THRB: variants seen among roughly 807,000 people sequenced by gnomAD.
THRB encodes the protein nuclear receptor subfamily 1 group A member 2.
In THRB, 12 loss-of-function variants were observed where a neutral mutation model predicts 47.8. The observed-to-expected ratio is 0.25, with a 90% CI of 0.16 to 0.41. THRB has a LOEUF of 0.41. Ranked by LOEUF, THRB falls within the 10% of genes least tolerant of loss-of-function variation. The pLI is 1.00. For synonymous variants in THRB, 218 were observed against 212.2 expected (o/e 1.03, Z -0.24); for missense variants, 348 against 589.2 (o/e 0.59, Z 4.24).
chr3:24,399,486 G>A (rs1188826072), intron 1 of THRB, among the ~76,000 whole-genome samples: 1 of 152,040 alleles, frequency 6.6e-6, no homozygotes, highest in East Asian at 1.9e-4. Context: ...ATTGTAAGAT[G>A]GTGACAGCAC....
chr3:24,241,325 GA>G (rs1348463995), intron 3 of THRB, among the ~76,000 whole-genome samples: 1 of 152,162 alleles, frequency 6.6e-6, no homozygotes, highest in Non-Finnish European at 1.5e-5. Flanking sequence ...TGCGTACTTA[GA>G]AAAGCCACTC....
At chr3:24,276,629 T>C (rs1281472937) in intron 3 of THRB, among the ~76,000 whole-genome samples, 1 of 152,218 alleles carries the variant, frequency 6.6e-6, no homozygotes, top group Non-Finnish European at 1.5e-5. Flanking sequence ...GCCATTATTA[T>C]TACCACAATG....
chr3:24,283,390 A>C (rs1291673260), intron 3 of THRB, among the ~76,000 whole-genome samples: 9 of 151,900 alleles, frequency 5.9e-5, no homozygotes, highest in African/African-American at 1.2e-4. Flanking sequence ...ACAACACTTC[A>C]TGCTAAAAAC....
intron 1 of THRB, among the ~76,000 whole-genome samples, chr3:24,383,848 C>A (rs1388005650): frequency 6.6e-6 from 1 of 152,142 alleles, no homozygotes; most frequent in African/African-American, 2.4e-5. Flanking sequence ...GAAACAGATT[C>A]TCTTGATTTT....
intron 2 of THRB, among the ~76,000 whole-genome samples, chr3:24,336,722 C>CTT (rs1553717322): frequency 1.6e-4 from 22 of 135,936 alleles, no homozygotes; most frequent in African/African-American, 2.2e-4. Context: ...AATTCTCATG[C>CTT]TTTTTTTTTT....
At chr3:24,317,174 A>G (rs2058174369) in intron 2 of THRB, among the ~76,000 whole-genome samples, 1 of 152,120 alleles carries the variant, frequency 6.6e-6, no homozygotes, top group African/African-American at 2.4e-5. Flanking sequence ...TGTAAGTATG[A>G]GTTTGTGGGT....
chr3:24,186,944 C>CAAAAAAA (rs71057655), intron 5 of THRB, among the ~76,000 whole-genome samples: 10 of 77,530 alleles, frequency 1.3e-4, no homozygotes, highest in African/African-American at 1.9e-4. Context: ...GACTCCATTT[C>CAAAAAAA]AAAAAAAAAA....
intron 1 of THRB, among the ~76,000 whole-genome samples, chr3:24,482,989 T>G (rs776074619): frequency 2.2e-4 from 34 of 152,346 alleles, no homozygotes; most frequent in Non-Finnish European, 4.4e-4. Context: ...CTCTGCATGA[T>G]ACTTCTTATC....
intron 2 of THRB, among the ~76,000 whole-genome samples, chr3:24,326,779 T>TTTTTTTTTTTTTTTG: frequency 7.1e-6 from 1 of 141,718 alleles, no homozygotes; most frequent in Non-Finnish European, 1.5e-5. Context: ...TTTTTTTTTT[T>TTTTTTTTTTTTTTTG]TTTGAGATGG....
intron 1 of THRB, among the ~76,000 whole-genome samples, chr3:24,413,580 T>A (rs76162598): frequency 2.6e-5 from 4 of 151,866 alleles, no homozygotes; most frequent in African/African-American, 9.7e-5. Context: ...TGATTTTTTT[T>A]ATGATACTTT....
chr3:24,208,735 C>T (rs1559605597), intron 4 of THRB, among the ~76,000 whole-genome samples: 1 of 152,160 alleles, frequency 6.6e-6, no homozygotes, highest in African/African-American at 2.4e-5. Flanking sequence ...AGACCTAAAA[C>T]CATAAAAACC....
At position 24,118,450 on chromosome 3, in the gene THRB, A is replaced by T. The variant is rs1324834995; in HGVS notation, c.*4434T>A. On this transcript the variant is annotated 3_prime_UTR_variant, in exon 11 of 11. Transcript: ENST00000646209. ...TCACTTAACACTGTTTGCAAAACAC[A>T]AATCTTCCAATGACTGTAAATCTTT... 2 of 152,672 alleles carry T rather than the reference A, an allele frequency of 1.3e-5. No individual in the cohort carries two copies. Among genetic ancestry groups the T allele is most frequent in the Non-Finnish European group, 2.9e-5 (2 of 68,046 alleles). 9.5% of individuals were successfully genotyped at this position (152,672 alleles called of 1,614,324 possible). A position where few individuals can be genotyped will look rare whatever the true frequency, so the allele number is the denominator to read the frequency against.
chr3:24,291,128 G>T (rs1214948669), intron 3 of THRB, among the ~76,000 whole-genome samples: 1 of 152,130 alleles, frequency 6.6e-6, no homozygotes, highest in Non-Finnish European at 1.5e-5. Flanking sequence ...CACAAAATAG[G>T]TTCCTGTTAC....
intron 3 of THRB, among the ~76,000 whole-genome samples, chr3:24,237,122 A>T (rs1453465949): frequency 6.6e-6 from 1 of 152,152 alleles, no homozygotes; most frequent in Non-Finnish European, 1.5e-5. Flanking sequence ...AATGTGGAAA[A>T]CTAGTGAAAG....
At chr3:24,148,208 C>T (rs2036382891) in intron 6 of THRB, among the ~76,000 whole-genome samples, 1 of 152,338 alleles carries the variant, frequency 6.6e-6, no homozygotes, top group Non-Finnish European at 1.5e-5. Flanking sequence ...CTCACTACAA[C>T]CTCCACCTCC....
chr3:24,463,120 T>C (rs1330322878), intron 1 of THRB, among the ~76,000 whole-genome samples: 2 of 152,186 alleles, frequency 1.3e-5, no homozygotes, highest in South Asian at 2.1e-4. Context: ...CCAGGGCTAG[T>C]TAAGGGAGAA....
intron 3 of THRB, among the ~76,000 whole-genome samples, chr3:24,269,403 G>GCGCACACACA (rs1175063428): frequency 9.6e-5 from 7 of 72,634 alleles, no homozygotes; most frequent in African/African-American, 3.1e-4. Context: ...GCGCGCGCGC[G>GCGCACACACA]CACACACACA....
At chr3:24,456,669 T>C (rs946005742) in intron 1 of THRB, among the ~76,000 whole-genome samples, 3 of 151,090 alleles carry the variant, frequency 2.0e-5, no homozygotes, top group Non-Finnish European at 4.4e-5. Context: ...AGATAAGTAT[T>C]AATTATCTTG....
At chr3:24,164,760 T>A (rs1243749283) in intron 5 of THRB, among the ~76,000 whole-genome samples, 1 of 152,150 alleles carries the variant, frequency 6.6e-6, no homozygotes, top group Non-Finnish European at 1.5e-5. Flanking sequence ...CCAACAATAG[T>A]CACTTTGGGC....
Sources: allele counts gnomAD v4.1 joint callset (sites outside exome capture counted in the v4.1 genomes callset), GRCh38; gene constraint gnomAD v4.1.1; transcripts MANE v1.5; gene names NCBI Gene and HGNC (gene_info 2026-07-23, HGNC 2026-07-21).